PCYT1A: variants seen among roughly 807,000 people sequenced by gnomAD.
The protein encoded by PCYT1A is choline-phosphate cytidylyltransferase A.
A neutral mutation model predicts 43.7 loss-of-function variants in PCYT1A; 25 were observed. That is an observed-to-expected ratio of 0.57 (90% CI 0.42 to 0.80). PCYT1A has a LOEUF of 0.80. Ranked by LOEUF, PCYT1A falls within the 30% of genes least tolerant of loss-of-function variation. PCYT1A has a pLI of 0.00. For synonymous variants in PCYT1A, 172 were observed against 170.7 expected (o/e 1.01, Z -0.06); for missense variants, 421 against 474.2 (o/e 0.89, Z 1.04).
intron 2 of PCYT1A, among the ~76,000 whole-genome samples, chr3:196,259,844 CAA>C (rs112667455): frequency 0.013 from 1,283 of 99,860 alleles, 19 homozygotes; most frequent in African/African-American, 0.047. Context: ...GACCCTGTCT[CAA>C]AAAAAAAAAA....
Position 196,238,537 on chromosome 3 carries a change from G to A in PCYT1A, c.*151C>T, listed in dbSNP as rs1724244388. 5 of 525,154 alleles carry A rather than the reference G, an allele frequency of 9.5e-6. No individual in the cohort carries two copies. Among genetic ancestry groups the A allele is most frequent in the Non-Finnish European group, 1.7e-5 (5 of 300,500 alleles). The allele number at this position is 525,154 out of a possible 1,614,324, so 32.5% of individuals were successfully genotyped here. Reference sequence around the variant, plus strand: ...ATGTCACTTGCAGGACAGGCTGTTTGGGTTCCCCCAGTCCTAGGTCTTCTT... The same window carrying A: ...ATGTCACTTGCAGGACAGGCTGTTTAGGTTCCCCCAGTCCTAGGTCTTCTT... On this transcript the variant is annotated 3_prime_UTR_variant, in exon 9 of 9. Coordinates refer to ENST00000431016, the MANE Select transcript of PCYT1A (RefSeq NM_001312673.2).
chr3:196,261,283 CTAGACTA>C (rs1725101229), intron 2 of PCYT1A, among the ~76,000 whole-genome samples: 1 of 152,236 alleles, frequency 6.6e-6, no homozygotes, highest in South Asian at 2.1e-4. Flanking sequence ...AACAGTATGA[CTAGACTA>C]TAAACTACTG....
intron 3 of PCYT1A, among the ~76,000 whole-genome samples, chr3:196,253,467 T>C (rs1724864538): frequency 1.3e-5 from 2 of 152,094 alleles, no homozygotes; most frequent in South Asian, 4.1e-4. Flanking sequence ...AGGGATAGAA[T>C]ATACAAATGA....
rs1355192443 is a variant in PCYT1A, at chr3:196,252,081, GCGCACCCCGCCACGCCCCGCAGAC to G, written c.218-3782_218-3759del. Among the ~76,000 whole-genome samples, 8 of 149,990 alleles carry G rather than the reference GCGCACCCCGCCACGCCCCGCAGAC, an allele frequency of 5.3e-5. No individual in the cohort carries two copies. The East Asian group carries it at 1.1e-3, about 20-fold the overall frequency. ...ACACCACCACGCCCCGCTGACTACA[GCGCACCCCGCCACGCCCCGCAGAC>G]TACAGCGCACCCCGCCACGCCCCAC... On this transcript the variant is annotated intron_variant, in intron 3 of 8. Transcript: ENST00000431016. The surrounding 1 kb of genome is among the most constrained non-coding windows in gnomAD (Gnocchi z 4.0).
At chr3:196,253,376 A>G (rs947394682) in intron 3 of PCYT1A, among the ~76,000 whole-genome samples, 1 of 151,696 alleles carries the variant, frequency 6.6e-6, no homozygotes, top group Non-Finnish European at 1.5e-5. Context: ...AGTCACGTCC[A>G]TGAAGTAACT....
chr3:196,278,488 C>T (rs771990242), intron 1 of PCYT1A, among the ~76,000 whole-genome samples: 7 of 152,184 alleles, frequency 4.6e-5, no homozygotes, highest in Non-Finnish European at 1.0e-4. Context: ...ATGATCGCGC[C>T]TCCTCAGAGC....
intron 2 of PCYT1A, among the ~76,000 whole-genome samples, chr3:196,261,074 C>T (rs897647001): frequency 2.0e-5 from 3 of 152,106 alleles, no homozygotes; most frequent in Admixed American, 1.3e-4. Context: ...AAAAGGAAGT[C>T]GGACACAAAA....
rs886472162 is a variant in PCYT1A at position 196,252,181 on chromosome 3, C to T, written c.218-3858G>A. 3.3e-5 allele frequency among the ~76,000 whole-genome samples: 5 copies of T among 152,216 alleles called. No homozygotes were observed. Among genetic ancestry groups the T allele is most frequent in the Admixed American group, 1.3e-4 (2 of 15,278 alleles). On this transcript the variant is annotated intron_variant, in intron 3 of 8. Transcript: ENST00000431016. This position sits in a 1 kb window ranked among gnomAD's most constrained non-coding sequence, Gnocchi z 4.0. ...CCACTGGCTACAGCGCACACCACTA[C>T]GCTCAGCTGATTTTTGTATTTTTTG... is the stretch of plus-strand genomic sequence containing the variant.
intron 2 of PCYT1A, 45 bp from the exon 3 acceptor site, chr3:196,257,932 C>T: frequency 3.6e-6 from 4 of 1,110,460 alleles, no homozygotes; most frequent in Non-Finnish European, 5.5e-6. Context: ...AACTCAATGG[C>T]ATACACTGTA....
Position 196,247,107 on chromosome 3 carries a change from G to A in PCYT1A, c.486+260C>T, listed in dbSNP as rs184771760. On this transcript the variant is annotated intron_variant, in intron 5 of 8. Coordinates refer to ENST00000431016, the MANE Select transcript of PCYT1A (RefSeq NM_001312673.2). This position sits in a 1 kb window ranked among gnomAD's most constrained non-coding sequence, Gnocchi z 4.8. ...AGCCCTTGTTACTCATATGTAAAGC[G>A]GAAATGACAAACACACCACAGGATT... Among the ~76,000 whole-genome samples the A allele has an allele frequency of 1.7e-3, 263 of 152,326 alleles. 2 individuals are homozygous for A. Among genetic ancestry groups the A allele is most frequent in the African/African-American group, 6.1e-3 (254 of 41,556 alleles).
At chr3:196,286,044 C>T (rs1451261965) in intron 1 of PCYT1A, among the ~76,000 whole-genome samples, 2 of 149,324 alleles carry the variant, frequency 1.3e-5, no homozygotes, top group African/African-American at 2.5e-5. Context: ...CTATAAATAT[C>T]ACAAATACCA....
In PCYT1A at chr3:196,247,206, G is replaced by A. The variant is rs1724595447; in HGVS notation, c.486+161C>T. 6.6e-6 allele frequency among the ~76,000 whole-genome samples: 1 copy of A among 152,190 alleles called. No homozygotes were observed. The highest frequency in any genetic ancestry group is 1.9e-4 in the East Asian group (1 of 5,204). On this transcript the variant is annotated intron_variant, in intron 5 of 8. Coordinates refer to ENST00000431016, the MANE Select transcript of PCYT1A (RefSeq NM_001312673.2). The surrounding 1 kb of genome is among the most constrained non-coding windows in gnomAD (Gnocchi z 4.8). ...CATCCAGCCCCATATAAACGTCAGG[G>A]GTGACTGTTATCACTAGTAATATCA...
chr3:196,238,608 G>A lies in PCYT1A; in HGVS notation c.*80C>T, dbSNP rs1006507028. ...GTAGCTGTCCTTAGGTTTAGTGTTG[G>A]GGTCACAATTTGGAATTCAACAGAG... On this transcript the variant is annotated 3_prime_UTR_variant, in exon 9 of 9. Transcript: ENST00000431016. 7 of 959,864 alleles carry A rather than the reference G, an allele frequency of 7.3e-6. No homozygotes were observed. The highest frequency in any genetic ancestry group is 3.4e-5 in the African/African-American group (2 of 58,518). 59.5% of individuals were successfully genotyped at this position (959,864 alleles called of 1,614,324 possible).
At chr3:196,279,762 ATGCT>A (rs1725699459) in intron 1 of PCYT1A, among the ~76,000 whole-genome samples, 1 of 149,554 alleles carries the variant, frequency 6.7e-6, no homozygotes, top group Admixed American at 6.7e-5. Context: ...TGGCATGTCT[ATGCT>A]TGAGTCTGAA....
intron 2 of PCYT1A, among the ~76,000 whole-genome samples, chr3:196,262,374 G>A (rs1173367667): frequency 6.6e-6 from 1 of 152,144 alleles, no homozygotes; most frequent in Non-Finnish European, 1.5e-5. Flanking sequence ...AGTAGCATCC[G>A]CAAAGTAATT....
rs56225736 is a variant in PCYT1A, at chr3:196,242,315, G to A, written c.566-225C>T. 0.12 allele frequency: 76,854 copies of A among 647,642 alleles called. 5,273 individuals carry two copies. The highest frequency in any genetic ancestry group is 0.17 in the Middle Eastern group (491 of 2,920). The allele number at this position is 647,642 out of a possible 1,614,324, so 40.1% of individuals were successfully genotyped here. On this transcript the variant is annotated intron_variant, in intron 6 of 8. Transcript: ENST00000431016. This position sits in a 1 kb window ranked among gnomAD's most constrained non-coding sequence, Gnocchi z 4.2. Reference sequence around the variant, plus strand: ...AGCCCTAATATTAAGAAAAATATGAGAAAGGGTTTCCTGAAATTAAGAGAG... The same window carrying A: ...AGCCCTAATATTAAGAAAAATATGAAAAAGGGTTTCCTGAAATTAAGAGAG...
In PCYT1A at chr3:196,248,276, G is replaced by A. The variant is rs1455352648; in HGVS notation, c.265C>T (p.His89Tyr). ...VYADGIFDLFHSGHARALMQA... is the reference protein window; with the variant it reads ...VYADGIFDLFYSGHARALMQA... ...ATCAGAGCTCGGGCGTGACCAGAGT[G>A]AAATAAGTCAAATATTCCATCGGCA... Residue 89 changes from histidine (H) to tyrosine (Y), a missense_variant, in exon 4 of 9, where the codon CAC becomes TAC. His to Tyr is a moderately conservative substitution (Grantham distance 83, BLOSUM62 2). Around this residue, in one of 3 missense-constraint regions of PCYT1A, gnomAD observed 139 missense variants for 117.7 expected, o/e 1.18. Transcript: ENST00000431016. 1 of 1,613,426 alleles carries A rather than the reference G, an allele frequency of 6.2e-7. No homozygotes were observed.
rs572329532 is a variant in PCYT1A, at chr3:196,277,851, C to T, written c.-10-7310G>A. ...GCACGCCACTGCGCTCCAGCCTGGG[C>T]GACAGAGCGAGACTTTGTCTCAAAA... On this transcript the variant is annotated intron_variant, in intron 1 of 8. Coordinates refer to ENST00000431016, the MANE Select transcript of PCYT1A (RefSeq NM_001312673.2). This position sits in a 1 kb window ranked among gnomAD's most constrained non-coding sequence, Gnocchi z 4.1. Among the ~76,000 whole-genome samples, 9 of 152,254 alleles carry T rather than the reference C, an allele frequency of 5.9e-5. No individual in the cohort carries two copies. The highest frequency in any genetic ancestry group is 3.9e-4 in the East Asian group (2 of 5,188).
chr3:196,279,149 G>T (rs147602355), intron 1 of PCYT1A, among the ~76,000 whole-genome samples: 3 of 151,858 alleles, frequency 2.0e-5, no homozygotes, highest in Admixed American at 1.3e-4. Context: ...TAAGCTGGGC[G>T]TGGTGGCAGG....
Sources: allele counts gnomAD v4.1 joint callset (sites outside exome capture counted in the v4.1 genomes callset), GRCh38; gene constraint gnomAD v4.1.1; regional missense constraint gnomAD v4.1.1; non-coding constraint Gnocchi (gnomAD v3.1); transcripts MANE v1.5; gene names NCBI Gene and HGNC (gene_info 2026-07-23, HGNC 2026-07-21).